Variants in APH1B observed in about 807,000 individuals in gnomAD.
APH1B encodes the protein aph-1B gamma-secretase subunit, also known as gamma-secretase subunit APH-1B.
In APH1B, 27 loss-of-function variants were observed where a neutral mutation model predicts 28.2. That is an observed-to-expected ratio of 0.96 (90% CI 0.70 to 1.32). The LOEUF is 1.32. Among genes scored for constraint, APH1B ranks in the 40% most tolerant of loss-of-function variants. The pLI is 0.00. For missense variants in APH1B, 305 were observed against 313.6 expected (o/e 0.97, Z 0.21); for synonymous variants, 141 against 124.6 (o/e 1.13, Z -0.88).
chr15:63,288,379 A>G (rs1022494749), intron 4 of APH1B, among the ~76,000 whole-genome samples: 1 of 152,204 alleles, frequency 6.6e-6, no homozygotes, highest in African/African-American at 2.4e-5. Flanking sequence ...AAATTTCTGC[A>G]GTAGTTTAGA....
chr15:63,304,762 A>T lies in APH1B; in HGVS notation c.607-852A>T, dbSNP rs1210400751. ...TTTAAAAGAGGAAAAATGTTTTTTA[A>T]AGAAGAGAAGAACAATACAAAACAG... On this transcript the variant is annotated intron_variant, in intron 5 of 5. Coordinates refer to ENST00000261879, the MANE Select transcript of APH1B (RefSeq NM_031301.4). This position sits in a 1 kb window ranked among gnomAD's most constrained non-coding sequence, Gnocchi z 5.1. 6.6e-6 allele frequency among the ~76,000 whole-genome samples: 1 copy of T among 152,230 alleles called. No homozygotes were observed. Among genetic ancestry groups the T allele is most frequent in the African/African-American group, 2.4e-5 (1 of 41,460 alleles).
At chr15:63,278,012 A>C (rs1215032321) in intron 1 of APH1B, 2 of 488,548 alleles carry the variant, frequency 4.1e-6, no homozygotes, top group Non-Finnish European at 7.4e-6. Flanking sequence ...ATTATGGATA[A>C]GTTCATATAT....
intron 4 of APH1B, among the ~76,000 whole-genome samples, chr15:63,299,747 G>A (rs1369938620): frequency 1.3e-5 from 2 of 151,960 alleles, no homozygotes; most frequent in South Asian, 2.1e-4. Flanking sequence ...GACTATAGGA[G>A]CATAATTGTG....
intron 2 of APH1B, among the ~76,000 whole-genome samples, chr15:63,279,900 C>T (rs928737638): frequency 2.6e-5 from 4 of 151,416 alleles, no homozygotes; most frequent in South Asian, 2.1e-4. Flanking sequence ...TGGGTTCAAG[C>T]GATTCTCCTG....
intron 2 of APH1B, 30 bp from the exon 3 acceptor site, chr15:63,286,528 T>G: frequency 1.3e-6 from 2 of 1,506,086 alleles, no homozygotes; most frequent in Non-Finnish European, 1.8e-6. Context: ...TTTTTTTTTC[T>G]TCTTAATTAC....
intron 4 of APH1B, among the ~76,000 whole-genome samples, chr15:63,301,846 AGTGATCT>A (rs1476256327): frequency 6.6e-6 from 1 of 152,158 alleles, no homozygotes; most frequent in Non-Finnish European, 1.5e-5. Flanking sequence ...TCCTGACTCA[AGTGATCT>A]GCCTGCCTCG....
chr15:63,277,922 C>A, intron 1 of APH1B, 186 bp downstream of exon 1: 1 of 606,154 alleles, frequency 1.6e-6, no homozygotes, highest in Non-Finnish European at 2.8e-6. Flanking sequence ...AAGAAGCGCA[C>A]ACTGGGGGTC....
intron 2 of APH1B, among the ~76,000 whole-genome samples, chr15:63,279,550 G>A (rs1267273747): frequency 6.6e-6 from 1 of 151,964 alleles, no homozygotes; most frequent in Non-Finnish European, 1.5e-5. Context: ...AATATTTCTT[G>A]AGAATCAATC....
In APH1B at chr15:63,306,345, A is replaced by C. The variant is rs888439483; in HGVS notation, c.*564A>C. Reference sequence around the variant, plus strand: ...CACGGTAGGTTGGGCTTCTAAATGCAATAATAAATTACGCTGACTGTGGTA... The same window carrying C: ...CACGGTAGGTTGGGCTTCTAAATGCCATAATAAATTACGCTGACTGTGGTA... On this transcript the variant is annotated 3_prime_UTR_variant, in exon 6 of 6. Coordinates refer to ENST00000261879, the MANE Select transcript of APH1B (RefSeq NM_031301.4). The C allele has an allele frequency of 2.0e-5, 3 of 152,452 alleles. No homozygotes were observed. The highest frequency in any genetic ancestry group is 7.2e-5 in the African/African-American group (3 of 41,460). 9.4% of individuals were successfully genotyped at this position (152,452 alleles called of 1,614,324 possible). A position where few individuals can be genotyped will look rare whatever the true frequency, so the allele number is the denominator to read the frequency against.
Position 63,306,078 on chromosome 15 carries a change from T to C in APH1B, c.*297T>C. 3.4e-6 allele frequency: 1 copy of C among 293,240 alleles called. No individual in the cohort carries two copies. The highest frequency in any genetic ancestry group is 6.4e-6 in the Non-Finnish European group (1 of 155,752). 18.2% of individuals were successfully genotyped at this position (293,240 alleles called of 1,614,324 possible). ...GAGTTTTAAAAGCTTCCCAGGTGAT[T>C]CTGATGTGCAGCCATGTTGAGACCC... On this transcript the variant is annotated 3_prime_UTR_variant, in exon 6 of 6. Transcript: ENST00000261879.
chr15:63,277,761 C>T, intron 1 of APH1B, 25 bp downstream of exon 1: 2 of 1,600,356 alleles, frequency 1.2e-6, no homozygotes, highest in South Asian at 1.1e-5. Context: ...TCGGGAAACC[C>T]GGACGCCGGG....
At chr15:63,288,804 A>G (rs2038474085) in intron 4 of APH1B, among the ~76,000 whole-genome samples, 1 of 152,242 alleles carries the variant, frequency 6.6e-6, no homozygotes, top group Non-Finnish European at 1.5e-5. Context: ...GGTCTTTAAA[A>G]CAAATGTAAT....
chr15:63,296,608 T>TG (rs2038570526), intron 4 of APH1B, among the ~76,000 whole-genome samples: 1 of 152,086 alleles, frequency 6.6e-6, no homozygotes, highest in Non-Finnish European at 1.5e-5. Flanking sequence ...TGTTAGAGCA[T>TG]TTGGGGTATA....
rs141730872 is a variant in APH1B at position 63,297,089 on chromosome 15, T to C, written c.479-5256T>C. ...CAGTTACAGTCGTCACAAACTGATA[T>C]ACAGTACTTGTTAGAATTATTCCGC... On this transcript the variant is annotated intron_variant, in intron 4 of 5. Transcript: ENST00000261879. 5.7e-3 allele frequency among the ~76,000 whole-genome samples: 861 copies of C among 152,366 alleles called. 7 individuals carry two copies. Among genetic ancestry groups the C allele is most frequent in the African/African-American group, 0.019 (776 of 41,590 alleles).
chr15:63,289,806 C>T (rs915656630), intron 4 of APH1B, among the ~76,000 whole-genome samples: 5 of 152,112 alleles, frequency 3.3e-5, no homozygotes, highest in African/African-American at 1.2e-4. Context: ...AGTTTGAGAC[C>T]AGCCTGGGCA....
chr15:63,281,944 G>T (rs1472500), intron 2 of APH1B, among the ~76,000 whole-genome samples: 144,758 of 152,206 alleles, frequency 0.95, 68,862 homozygotes, highest in Admixed American at 0.97. Context: ...GAAACCATGT[G>T]TGCTTTTCTG....
intron 2 of APH1B, 108 bp from the exon 3 acceptor site, chr15:63,286,450 G>T (rs2038446300): frequency 3.5e-6 from 3 of 858,670 alleles, no homozygotes; most frequent in Non-Finnish European, 5.3e-6. Flanking sequence ...CTGATGCAAA[G>T]CCTCAGTGAG....
chr15:63,305,712 C>T lies in APH1B; in HGVS notation c.705C>T (p.Cys235=), dbSNP rs1305588956. ...CATTCTTAGCTGCGGGAGGCAGCTG[C>T]CGAAGCCTGAAACTCTGCCTGCTCT... is the stretch of plus-strand genomic sequence containing the variant. The part of the protein sequence containing the change: ...TWAFLAAGGS[C]RSLKLCLLCQ... Residue 235 remains cysteine, a synonymous_variant, in exon 6 of 6, where the codon TGC becomes TGT. Coordinates refer to ENST00000261879, the MANE Select transcript of APH1B (RefSeq NM_031301.4). 15 of 1,614,208 alleles carry T rather than the reference C, an allele frequency of 9.3e-6. No homozygotes were observed. Among genetic ancestry groups the T allele is most frequent in the Non-Finnish European group, 1.3e-5 (15 of 1,180,038 alleles).
chr15:63,291,444 A>G (rs2038505996), intron 4 of APH1B, among the ~76,000 whole-genome samples: 1 of 152,234 alleles, frequency 6.6e-6, no homozygotes, highest in African/African-American at 2.4e-5. Flanking sequence ...TTTAGCCACT[A>G]AACGTTTCAC....
Sources: gnomAD v4.1 joint callset for allele counts (sites outside exome capture counted in the v4.1 genomes callset) on GRCh38, gnomAD v4.1.1 for gene constraint, Gnocchi (gnomAD v3.1) non-coding constraint, MANE v1.5 for transcripts, NCBI Gene and HGNC (gene_info 2026-07-23, HGNC 2026-07-21) for gene names.